SERPINB6: variants seen among roughly 807,000 people sequenced by gnomAD.
The protein encoded by SERPINB6 is serpin B6.
A neutral mutation model predicts 26.1 loss-of-function variants in SERPINB6; 16 were observed. That is an observed-to-expected ratio of 0.61 (90% CI 0.42 to 0.93). The LOEUF (loss-of-function observed/expected upper bound fraction) is 0.93. Among genes scored for constraint, SERPINB6 ranks in the 40% least tolerant of loss-of-function variants. The pLI is 0.00. For synonymous variants in SERPINB6, 174 were observed against 176.6 expected (o/e 0.99, Z 0.11); for missense variants, 420 against 478.0 (o/e 0.88, Z 1.13).
intron 1 of SERPINB6, among the ~76,000 whole-genome samples, chr6:2,965,595 A>C (rs1771551052): frequency 6.6e-6 from 1 of 152,262 alleles, no homozygotes; most frequent in Non-Finnish European, 1.5e-5. Context: ...TGATAAATCA[A>C]GACATATAAA....
chr6:2,962,529 T>C (rs148602073), intron 1 of SERPINB6, among the ~76,000 whole-genome samples: 2 of 152,346 alleles, frequency 1.3e-5, no homozygotes, highest in Non-Finnish European at 2.9e-5. Context: ...TAATCTGGGT[T>C]CCCTTCCATC....
At chr6:2,964,296 G>C (rs549931555) in intron 1 of SERPINB6, among the ~76,000 whole-genome samples, 7 of 152,152 alleles carry the variant, frequency 4.6e-5, no homozygotes, top group African/African-American at 1.7e-4. Flanking sequence ...TTCACTGAAG[G>C]TAAAACTCAC....
chr6:2,959,029 T>A, intron 2 of SERPINB6, 139 bp downstream of exon 2: 1 of 1,144,620 alleles, frequency 8.7e-7, no homozygotes, highest in Non-Finnish European at 1.3e-6. Flanking sequence ...ATGGGTGGCA[T>A]GCCCTTCCCT....
Position 2,948,826 on chromosome 6 carries a change from G to A in SERPINB6, c.729+88C>T, listed in dbSNP as rs1480732415. 3.7e-5 allele frequency: 58 copies of A among 1,586,988 alleles called. No homozygotes were observed. The highest frequency in any genetic ancestry group is 5.0e-5 in the Admixed American group (3 of 59,962). ...GGTCAGCAGCGCTCCAGTGTTAAAC[G>A]GCTGACCGCAAAGTAGGGACAGCAG... On this transcript the variant is annotated intron_variant, in intron 6 of 6. Transcript: ENST00000380539. This position sits in a 1 kb window ranked among gnomAD's most constrained non-coding sequence, Gnocchi z 5.0.
At chr6:2,961,087 C>T (rs912199654) in intron 1 of SERPINB6, 3 of 152,238 alleles carry the variant, frequency 2.0e-5, no homozygotes, top group African/African-American at 7.2e-5. Context: ...CAACCTCCAA[C>T]CTCAGAACTC....
rs1284470153 is a variant in SERPINB6 at position 2,967,586 on chromosome 6, C to G, written c.-11+3947G>C. 1 of 151,000 alleles carries G rather than the reference C, an allele frequency of 6.6e-6. No homozygotes were observed. The highest frequency in any genetic ancestry group is 2.4e-5 in the African/African-American group (1 of 41,170). 9.4% of individuals were successfully genotyped at this position (151,000 alleles called of 1,614,324 possible). A position where few individuals can be genotyped will look rare whatever the true frequency, so the allele number is the denominator to read the frequency against. ...ATCCAGCATCTATATGGAACTTAAA[C>G]AAATTTACAAGAAGAAAACAAACAA... On this transcript the variant is annotated intron_variant, in intron 1 of 6. Coordinates refer to ENST00000380539, the MANE Select transcript of SERPINB6 (RefSeq NM_004568.6). This position sits in a 1 kb window ranked among gnomAD's most constrained non-coding sequence, Gnocchi z 4.3.
intron 1 of SERPINB6, chr6:2,966,836 G>T: frequency 3.9e-6 from 2 of 507,610 alleles, no homozygotes; most frequent in Non-Finnish European, 5.1e-6. Context: ...TTTATTTTTT[G>T]TAGAGACAGG....
chr6:2,959,489 C>A, intron 1 of SERPINB6, 147 bp from the exon 2 acceptor site: 1 of 771,890 alleles, frequency 1.3e-6, no homozygotes, highest in Non-Finnish European at 2.2e-6. Flanking sequence ...TTTTTAGGAC[C>A]CTCCACATTA....
In SERPINB6 at chr6:2,948,767, T is replaced by A; in HGVS notation, c.730-68A>T. 1.9e-6 allele frequency: 3 copies of A among 1,574,646 alleles called. No homozygotes were observed. Among genetic ancestry groups the A allele is most frequent in the Non-Finnish European group, 2.6e-6 (3 of 1,145,410 alleles). ...TGCCCAGCAGGGCCCTGTGCTATGC[T>A]GTGGATGCCAGACACCAGTGGCAGC... On this transcript the variant is annotated intron_variant, in intron 6 of 6. Coordinates refer to ENST00000380539, the MANE Select transcript of SERPINB6 (RefSeq NM_004568.6). This position sits in a 1 kb window ranked among gnomAD's most constrained non-coding sequence, Gnocchi z 5.0.
At chr6:2,968,698 T>G (rs966600949) in intron 1 of SERPINB6, 35 of 1,230,858 alleles carry the variant, frequency 2.8e-5, no homozygotes, top group Non-Finnish European at 3.4e-5. Context: ...GTACCTAGAC[T>G]TTCCAAACAT....
chr6:2,968,661 G>C (rs1157587530), intron 1 of SERPINB6: 1 of 1,226,256 alleles, frequency 8.2e-7, no homozygotes, highest in Non-Finnish European at 1.0e-6. Context: ...GCTGGTGTTT[G>C]CTTTATTTTA....
chr6:2,965,819 C>A (rs1426868840), intron 1 of SERPINB6, among the ~76,000 whole-genome samples: 1 of 152,140 alleles, frequency 6.6e-6, no homozygotes, highest in East Asian at 1.9e-4. Flanking sequence ...GGGGTTAAAT[C>A]CTAAGGGATC....
intron 5 of SERPINB6, among the ~76,000 whole-genome samples, chr6:2,952,699 G>A (rs747502940): frequency 9.2e-5 from 14 of 152,264 alleles, no homozygotes; most frequent in Non-Finnish European, 1.8e-4. Context: ...AGGCCAGCAG[G>A]AGGCGCGGTA....
chr6:2,960,484 GAC>G (rs1770977571), intron 1 of SERPINB6: 1 of 152,320 alleles, frequency 6.6e-6, no homozygotes, highest in African/African-American at 2.4e-5. Context: ...TGCCTGCTCT[GAC>G]ACAGTTCTCA....
At chr6:2,968,672 T>C in intron 1 of SERPINB6, 1 of 1,228,900 alleles carries the variant, frequency 8.1e-7, no homozygotes, top group East Asian at 3.2e-5. Flanking sequence ...CTTTATTTTA[T>C]TTAGGTCTCT....
chr6:2,949,137 G>A lies in SERPINB6; in HGVS notation c.574-68C>T, dbSNP rs1769481351. On this transcript the variant is annotated intron_variant, in intron 5 of 6. Transcript: ENST00000380539. ...ACTGACACATGGGACAAATGTGTCG[G>A]AGCTGGCCACTCTCTGCAGGGAGAA... 2.6e-6 allele frequency: 4 copies of A among 1,565,914 alleles called. No individual in the cohort carries two copies. The Admixed American group carries it at 7.0e-5, about 27-fold the overall frequency.
Position 2,948,211 on chromosome 6 carries a change from A to T in SERPINB6, c.*87T>A. ...TTTATTTCTGAACTGCCACCACTGC[A>T]CGGATAAGGCCACTTGGGTTGCAGG... On this transcript the variant is annotated 3_prime_UTR_variant, in exon 7 of 7. Transcript: ENST00000380539. This position sits in a 1 kb window ranked among gnomAD's most constrained non-coding sequence, Gnocchi z 5.0. 1 of 1,505,294 alleles carries T rather than the reference A, an allele frequency of 6.6e-7. No individual in the cohort carries two copies. The highest frequency in any genetic ancestry group is 2.3e-5 in the East Asian group (1 of 44,398). The allele number at this position is 1,505,294 out of a possible 1,614,324, so 93.2% of individuals were successfully genotyped here. A position where few individuals can be genotyped will look rare whatever the true frequency, so the allele number is the denominator to read the frequency against.
Position 2,959,293 on chromosome 6 carries a change from T to G in SERPINB6, c.40A>C (p.Asn14His). 1 of 1,614,232 alleles carries G rather than the reference T, an allele frequency of 6.2e-7. No homozygotes were observed. Among genetic ancestry groups the G allele is most frequent in the East Asian group, 2.2e-5 (1 of 44,886 alleles). ...LAEANGTFAL[N>H]LLKTLGKDNS... ...TCTTTACCCAGCGTTTTCAAAAGGT[T>G]TAAGGCAAAGGTGCCATTTGCTTCT... The change falls in exon 2 of 7, where the codon AAC becomes CAC. Residue 14 changes from asparagine (N) to histidine (H), a missense_variant. Transcript: ENST00000380539.
chr6:2,949,702 C>T (rs1055253339), intron 5 of SERPINB6, among the ~76,000 whole-genome samples: 1 of 152,374 alleles, frequency 6.6e-6, no homozygotes, highest in East Asian at 1.9e-4. Context: ...GTTCCCAGCA[C>T]AGTGGCCAGA....
Sources: gnomAD v4.1 joint callset for allele counts (sites outside exome capture counted in the v4.1 genomes callset) on GRCh38, gnomAD v4.1.1 for gene constraint, Gnocchi (gnomAD v3.1) non-coding constraint, MANE v1.5 for transcripts, NCBI Gene and HGNC (gene_info 2026-07-23, HGNC 2026-07-21) for gene names.